MEMO1: variants seen among roughly 807,000 people sequenced by gnomAD.
MEMO1 encodes mediator of cell motility 1.
A neutral mutation model predicts 45.2 loss-of-function variants in MEMO1; 6 were observed. The observed-to-expected ratio is 0.13, with a 90% confidence interval of 0.07 to 0.26. MEMO1 has a LOEUF of 0.26. MEMO1 is among the 10% of genes least tolerant of loss of function. The probability of loss-of-function intolerance (pLI) is 1.00; values close to 1 mark genes in which losing one functional copy is unlikely to be tolerated. For missense variants in MEMO1, 184 were observed against 370.5 expected, an observed-to-expected ratio of 0.50 and a Z score of 4.13; for synonymous variants, 78 against 124.3, an observed-to-expected ratio of 0.63 and a Z score of 2.48.
chr2:31,951,956 T>A (rs1429307420), intron 2 of MEMO1, among the ~76,000 whole-genome samples: 1 of 152,216 alleles, frequency 6.6e-6, no homozygotes, highest in Non-Finnish European at 1.5e-5. Flanking sequence ...ATTCATATCC[T>A]ATTTTTAGAT....
At chr2:31,968,836 A>G (rs1668939271) in intron 2 of MEMO1, among the ~76,000 whole-genome samples, 1 of 152,184 alleles carries the variant, frequency 6.6e-6, no homozygotes, top group Non-Finnish European at 1.5e-5. Flanking sequence ...TTCTCTAAAG[A>G]GGACACTTCC....
intron 6 of MEMO1, among the ~76,000 whole-genome samples, chr2:31,906,491 T>C (rs34369001): frequency 0.12 from 18,645 of 151,692 alleles, 1,247 homozygotes; most frequent in Middle Eastern, 0.2. Context: ...GCCTGGCTAA[T>C]TTTTTGTATC....
At chr2:31,907,527 G>C (rs1360164605) in intron 6 of MEMO1, among the ~76,000 whole-genome samples, 1 of 152,050 alleles carries the variant, frequency 6.6e-6, no homozygotes, top group Non-Finnish European at 1.5e-5. Context: ...GGGCACAGTG[G>C]CTCACACCTG....
At chr2:31,891,919 G>T (rs1214950094) in intron 7 of MEMO1, 73 bp downstream of exon 7, 15 of 1,417,544 alleles carry the variant, frequency 1.1e-5, no homozygotes, top group Non-Finnish European at 1.4e-5. Context: ...GAAAATCAGA[G>T]CTTAGAATGA....
intron 2 of MEMO1, among the ~76,000 whole-genome samples, chr2:31,993,978 T>TTTTTTTTG (rs1672261704): frequency 2.2e-5 from 3 of 133,768 alleles, no homozygotes; most frequent in African/African-American, 8.2e-5. Flanking sequence ...TTTTTTTTTT[T>TTTTTTTTG]GAGACAGAGT....
chr2:31,999,538 T>A (rs542337108), intron 2 of MEMO1, among the ~76,000 whole-genome samples: 46 of 152,184 alleles, frequency 3.0e-4, no homozygotes, highest in Middle Eastern at 6.8e-3. Flanking sequence ...GGCACGCTGG[T>A]GCCTGCCTGT....
chr2:31,944,340 C>T (rs1665954502), intron 2 of MEMO1, among the ~76,000 whole-genome samples: 2 of 152,174 alleles, frequency 1.3e-5, no homozygotes, highest in Non-Finnish European at 2.9e-5. Flanking sequence ...CCTTCATCCC[C>T]TTATCACTTC....
rs144265960 is a variant in MEMO1, at chr2:31,922,825, A to G, written c.213-1915T>C. Among the ~76,000 whole-genome samples, 4 of 152,106 alleles carry G rather than the reference A, an allele frequency of 2.6e-5. No homozygotes were observed. The East Asian group carries it at 7.7e-4, about 29-fold the overall frequency. ...TCTCATTCTTTTAAAGAGCTGTGTA[A>G]TATTACATAGTGTATATATGTACCA... is the stretch of plus-strand genomic sequence containing the variant. On this transcript the variant is annotated intron_variant, in intron 4 of 9. Transcript: ENST00000404530.
chr2:31,899,787 G>T (rs1008715733), intron 6 of MEMO1, among the ~76,000 whole-genome samples: 1 of 152,100 alleles, frequency 6.6e-6, no homozygotes, highest in Non-Finnish European at 1.5e-5. Flanking sequence ...CTATCCATCT[G>T]ACAAAGGGCT....
intron 2 of MEMO1, among the ~76,000 whole-genome samples, chr2:31,969,587 GTGTGT>G (rs1558541985): frequency 1.2e-4 from 4 of 32,040 alleles, no homozygotes; most frequent in Admixed American, 3.0e-4. Context: ...GTGTGTGTGG[GTGTGT>G]GTGTGTGTGT....
At chr2:31,958,400 A>C (rs1667640097) in intron 2 of MEMO1, among the ~76,000 whole-genome samples, 1 of 151,770 alleles carries the variant, frequency 6.6e-6, no homozygotes, top group African/African-American at 2.4e-5. Flanking sequence ...TACCTCTCCA[A>C]CTAACAGGAA....
chr2:31,879,626 T>C (rs992741102), intron 8 of MEMO1, among the ~76,000 whole-genome samples: 6 of 152,204 alleles, frequency 3.9e-5, no homozygotes, highest in Non-Finnish European at 8.8e-5. Flanking sequence ...TAAAATTAAT[T>C]TTAAGATATT....
chr2:31,932,685 T>C (rs1479271114), intron 3 of MEMO1, among the ~76,000 whole-genome samples: 1 of 152,188 alleles, frequency 6.6e-6, no homozygotes, highest in East Asian at 1.9e-4. Flanking sequence ...TCCTCCTGCC[T>C]TGGCCTCAAA....
intron 2 of MEMO1, among the ~76,000 whole-genome samples, chr2:31,953,604 C>T (rs528543994): frequency 3.9e-5 from 6 of 152,000 alleles, no homozygotes; most frequent in Non-Finnish European, 7.4e-5. Context: ...TACAGATGTG[C>T]ACCACCATGT....
At chr2:31,998,519 G>A (rs970651121) in intron 2 of MEMO1, among the ~76,000 whole-genome samples, 1 of 152,060 alleles carries the variant, frequency 6.6e-6, no homozygotes, top group Non-Finnish European at 1.5e-5. Context: ...AATCATTTAT[G>A]GCTGGGCACA....
intron 2 of MEMO1, among the ~76,000 whole-genome samples, chr2:32,009,965 G>A (rs1343767055): frequency 6.6e-6 from 1 of 151,002 alleles, no homozygotes; most frequent in Non-Finnish European, 1.5e-5. Flanking sequence ...GCGTGAGGCC[G>A]GCCGGCCCCG....
intron 8 of MEMO1, among the ~76,000 whole-genome samples, chr2:31,881,380 G>A (rs887303889): frequency 3.1e-4 from 46 of 150,628 alleles, no homozygotes; most frequent in Admixed American, 2.8e-3. Flanking sequence ...CTGTGCTCCC[G>A]GCCACTCAGG....
In MEMO1 at chr2:31,913,696, T is replaced by C. The variant is rs142130397; in HGVS notation, c.437+4230A>G. ...TGTGTACCAGGTACTGTGCTATGCA[T>C]AGCAGATACGGTCAAGACTAGTTGC... On this transcript the variant is annotated intron_variant, in intron 6 of 9. Coordinates refer to ENST00000404530, the MANE Select transcript of MEMO1 (RefSeq NM_001301833.4). Among the ~76,000 whole-genome samples the C allele has an allele frequency of 2.0e-5, 3 of 152,162 alleles. No individual in the cohort carries two copies. The East Asian group carries it at 5.8e-4, about 29-fold the overall frequency.
chr2:31,995,309 G>A (rs1292989941), intron 2 of MEMO1, among the ~76,000 whole-genome samples: 3 of 151,802 alleles, frequency 2.0e-5, no homozygotes, highest in Non-Finnish European at 2.9e-5. Flanking sequence ...AAAATTAGCC[G>A]GGTGAGGTGG....
Sources: gnomAD v4.1 joint callset for allele counts (sites outside exome capture counted in the v4.1 genomes callset) on GRCh38, gnomAD v4.1.1 for gene constraint, MANE v1.5 for transcripts, NCBI Gene and HGNC (gene_info 2026-07-23, HGNC 2026-07-21) for gene names.